The following FAXC variants were observed in gnomAD, a reference collection of about 807,000 sequenced individuals.
FAXC encodes failed axon connections homolog.
FAXC carries 10 observed loss-of-function variants against 41.9 expected under a neutral mutation model. The observed-to-expected ratio is 0.24, with a 90% confidence interval of 0.15 to 0.41. The LOEUF (loss-of-function observed/expected upper bound fraction) is 0.41, where lower values mean the gene tolerates loss of function less well. FAXC is among the 10% of genes least tolerant of loss of function. FAXC has a pLI of 1.00. For missense variants in FAXC, 399 were observed against 510.9 expected, an observed-to-expected ratio of 0.78 and a Z score of 2.11; for synonymous variants, 183 against 183.8, an observed-to-expected ratio of 1.00 and a Z score of 0.03.
At chr6:99,294,169 T>A (rs958287889) in intron 4 of FAXC, among the ~76,000 whole-genome samples, 1 of 152,170 alleles carries the variant, frequency 6.6e-6, no homozygotes, top group African/African-American at 2.4e-5. Flanking sequence ...AACTTCTCCA[T>A]CATTTGAGTC....
In FAXC at chr6:99,309,937, C is replaced by T. The variant is rs952069096; in HGVS notation, c.823+13507G>A. The T allele has an allele frequency of 1.0e-5, 10 of 983,160 alleles. No individual in the cohort carries two copies. In the African/African-American group the frequency reaches 1.4e-4, roughly 14 times the overall value. 60.9% of individuals were successfully genotyped at this position (983,160 alleles called of 1,614,324 possible). On this transcript the variant is annotated intron_variant, in intron 4 of 5. Coordinates refer to ENST00000389677, the MANE Select transcript of FAXC (RefSeq NM_032511.4). Reference sequence around the variant, plus strand: ...TTAACAAACCACCAACGTAAACACACAGAAGTTCTACTGGAACAGAAGAAA... The same window carrying T: ...TTAACAAACCACCAACGTAAACACATAGAAGTTCTACTGGAACAGAAGAAA...
At chr6:99,348,425 C>A (rs1773672703) in intron 1 of FAXC, among the ~76,000 whole-genome samples, 1 of 152,200 alleles carries the variant, frequency 6.6e-6, no homozygotes, top group Admixed American at 6.5e-5. Context: ...AAACATTCTG[C>A]GGCAGCGGAT....
chr6:99,310,026 C>T (rs1049513350), intron 4 of FAXC: 4 of 301,132 alleles, frequency 1.3e-5, no homozygotes, highest in South Asian at 2.6e-4. Context: ...CCATCTGGCC[C>T]GCTCACCCAT....
At chr6:99,328,081 C>T (rs893427253) in intron 3 of FAXC, among the ~76,000 whole-genome samples, 15 of 152,270 alleles carry the variant, frequency 9.9e-5, no homozygotes, top group Middle Eastern at 6.8e-3. Flanking sequence ...GCATGCCAGC[C>T]CCTCTCCCCA....
intron 4 of FAXC, among the ~76,000 whole-genome samples, chr6:99,314,660 G>T (rs1772271274): frequency 6.6e-6 from 1 of 152,164 alleles, no homozygotes; most frequent in African/African-American, 2.4e-5. Context: ...GGTTTCCACT[G>T]CTCTTGGGAA....
rs1770588916 is a variant in FAXC at position 99,275,892 on chromosome 6, G to A, written c.*5272C>T. 1 of 152,076 alleles carries A rather than the reference G, an allele frequency of 6.6e-6. No individual in the cohort carries two copies. Among genetic ancestry groups the A allele is most frequent in the South Asian group, 2.1e-4 (1 of 4,824 alleles). The allele number at this position is 152,076 out of a possible 1,614,324, so 9.4% of individuals were successfully genotyped here. A position where few individuals can be genotyped will look rare whatever the true frequency, so the allele number is the denominator to read the frequency against. ...GCCCGTCCCTCCTCACCCAACAAGG[G>A]AATCCTTTTGAACTTCCCAAGTTAT... is the stretch of plus-strand genomic sequence containing the variant. On this transcript the variant is annotated 3_prime_UTR_variant, in exon 6 of 6. Coordinates refer to ENST00000389677, the MANE Select transcript of FAXC (RefSeq NM_032511.4).
intron 4 of FAXC, among the ~76,000 whole-genome samples, chr6:99,297,504 G>A (rs184657954): frequency 6.6e-6 from 1 of 152,272 alleles, no homozygotes; most frequent in East Asian, 1.9e-4. Context: ...CAAGAGAATA[G>A]GAGGGGACAA....
chr6:99,315,205 C>T (rs1582656011), intron 4 of FAXC, among the ~76,000 whole-genome samples: 1 of 137,792 alleles, frequency 7.3e-6, no homozygotes, highest in African/African-American at 2.8e-5. Context: ...TGCACTCCAG[C>T]CTGGGCAACT....
chr6:99,334,663 T>C, intron 2 of FAXC: 1 of 875,608 alleles, frequency 1.1e-6, no homozygotes, highest in African/African-American at 1.8e-5. Context: ...TCTTAATACA[T>C]CCCTTTCTGG....
At chr6:99,318,304 C>A (rs374966426) in intron 4 of FAXC, among the ~76,000 whole-genome samples, 8,253 of 103,948 alleles carry the variant, frequency 0.079, 463 homozygotes, top group Middle Eastern at 0.16. Context: ...CACACACACA[C>A]ACAAAATAGA....
chr6:99,271,817 C>G lies in FAXC; in HGVS notation c.*9347G>C, dbSNP rs960722645. The G allele has an allele frequency of 1.3e-5, 2 of 152,052 alleles. No individual in the cohort carries two copies. Among genetic ancestry groups the G allele is most frequent in the Admixed American group, 6.5e-5 (1 of 15,270 alleles). 9.4% of individuals were successfully genotyped at this position (152,052 alleles called of 1,614,324 possible). On this transcript the variant is annotated 3_prime_UTR_variant, in exon 6 of 6. Transcript: ENST00000389677. ...GTAATTTGCTCTAAATGGTAAAAAG[C>G]TAATATTTGAGTAACAGTATTATTA...
At chr6:99,331,969 A>G (rs1472037913) in intron 3 of FAXC, among the ~76,000 whole-genome samples, 1 of 152,152 alleles carries the variant, frequency 6.6e-6, no homozygotes, top group Non-Finnish European at 1.5e-5. Context: ...CCCTACCACT[A>G]TTGTAAGGAA....
chr6:99,313,004 A>C (rs984811142), intron 4 of FAXC, among the ~76,000 whole-genome samples: 1 of 152,192 alleles, frequency 6.6e-6, no homozygotes, highest in African/African-American at 2.4e-5. Flanking sequence ...GATATTAAAG[A>C]GGTTGAGGCC....
chr6:99,336,309 T>C (rs1773215216), intron 2 of FAXC, among the ~76,000 whole-genome samples: 1 of 152,060 alleles, frequency 6.6e-6, no homozygotes, highest in Non-Finnish European at 1.5e-5. Context: ...TGAGACAGGG[T>C]CTCGCTGTGT....
At chr6:99,296,162 AC>A (rs933279381) in intron 4 of FAXC, among the ~76,000 whole-genome samples, 32 of 152,302 alleles carry the variant, frequency 2.1e-4, no homozygotes, top group African/African-American at 7.7e-4. Context: ...GGCAAAAAAA[AC>A]ATTTTTAAAA....
Position 99,286,098 on chromosome 6 carries a change from G to T in FAXC, c.941-4645C>A, listed in dbSNP as rs148593027. Among the ~76,000 whole-genome samples, 138 of 152,306 alleles carry T rather than the reference G, an allele frequency of 9.1e-4. 1 individual carries two copies. Among genetic ancestry groups the T allele is most frequent in the Non-Finnish European group, 1.7e-3 (114 of 68,038 alleles). ...TCCAAACACACTCATTTGCTCTACA[G>T]GTATTTACTCAGCACCTCCCTGTTC... On this transcript the variant is annotated intron_variant, in intron 5 of 5. Transcript: ENST00000389677.
intron 4 of FAXC, among the ~76,000 whole-genome samples, chr6:99,297,766 A>G (rs1194162985): frequency 2.0e-5 from 3 of 152,108 alleles, no homozygotes; most frequent in Admixed American, 1.3e-4. Context: ...CCCTGCCCCA[A>G]ATAACTCCGG....
At chr6:99,282,444 T>C (rs748404235) in intron 5 of FAXC, among the ~76,000 whole-genome samples, 3 of 152,210 alleles carry the variant, frequency 2.0e-5, no homozygotes, top group Non-Finnish European at 2.9e-5. Flanking sequence ...TAGTATAAGA[T>C]ATTTTTAAAT....
intron 1 of FAXC, among the ~76,000 whole-genome samples, chr6:99,346,696 C>G (rs952594499): frequency 3.3e-5 from 5 of 152,044 alleles, no homozygotes; most frequent in Non-Finnish European, 7.4e-5. Flanking sequence ...TGCCGCGCGC[C>G]GGGCCAAAGT....
Sources: allele counts gnomAD v4.1 joint callset (sites outside exome capture counted in the v4.1 genomes callset), GRCh38; gene constraint gnomAD v4.1.1; transcripts MANE v1.5; gene names NCBI Gene and HGNC (gene_info 2026-07-23, HGNC 2026-07-21).